The following HSPA4 variants were observed in gnomAD, a reference collection of about 807,000 sequenced individuals.
The protein encoded by HSPA4 is heat shock protein family A (Hsp70) member 4.
Under a neutral mutation model 106.2 loss-of-function variants are expected in HSPA4, and 25 were observed. That is an observed-to-expected ratio of 0.24 (90% confidence interval 0.17 to 0.33). The LOEUF (loss-of-function observed/expected upper bound fraction) is 0.33. Ranked by LOEUF, HSPA4 falls within the 10% of genes least tolerant of loss-of-function variation. HSPA4 has a pLI of 1.00. For synonymous variants in HSPA4, 332 were observed against 333.6 expected, an observed-to-expected ratio of 1.00 and a Z score of 0.05; for missense variants, 841 against 996.0, an observed-to-expected ratio of 0.84 and a Z score of 2.10.
At chr5:133,097,360 T>A in intron 15 of HSPA4, 74 bp downstream of exon 15, 1 of 1,315,176 alleles carries the variant, frequency 7.6e-7, no homozygotes, top group Non-Finnish European at 1.1e-6. Context: ...AAGGGAAGTG[T>A]GCAGCTATAT....
chr5:133,059,183 C>T (rs1024585724), intron 1 of HSPA4, among the ~76,000 whole-genome samples: 16 of 148,764 alleles, frequency 1.1e-4, no homozygotes, highest in African/African-American at 1.2e-4. Flanking sequence ...TGTGGTGGCT[C>T]GTGCCTGTAA....
chr5:133,089,621 A>G lies in HSPA4; in HGVS notation c.1304A>G (p.Tyr435Cys), dbSNP rs745601546. 17 of 1,612,876 alleles carry G rather than the reference A, an allele frequency of 1.1e-5. No homozygotes were observed. The East Asian group carries it at 2.5e-4, about 23-fold the overall frequency. ...AAPFSKVLTF[Y>C]RKEPFTLEAY... ...CCTTTCTCTAAAGTTCTTACATTTTATAGAAAGGAACCTTTCACTCTTGAG... is the reference window on the plus strand; with the variant it reads ...CCTTTCTCTAAAGTTCTTACATTTTGTAGAAAGGAACCTTTCACTCTTGAG... The change falls in exon 11 of 19, where the codon TAT becomes TGT. Residue 435 changes from tyrosine to cysteine, a missense_variant. By Grantham distance (194) the Tyr-to-Cys change is radical (BLOSUM62 -2). Transcript: ENST00000304858.
chr5:133,076,512 A>G, intron 6 of HSPA4, 142 bp from the exon 7 acceptor site: 1 of 670,236 alleles, frequency 1.5e-6, no homozygotes, highest in Non-Finnish European at 2.5e-6. Context: ...TAAGGATTAA[A>G]TGATGTATAC....
Position 133,104,038 on chromosome 5 carries a change from CTTTTTTT to C in HSPA4, c.2319+14_2319+20del. On this transcript the variant is annotated intron_variant, in intron 18 of 18. Coordinates refer to ENST00000304858, the MANE Select transcript of HSPA4 (RefSeq NM_002154.4). ...AAGCTAAAATTAAGGTAATTTAAGACTTTTTTTTAATAGTCTTTTCTTGACAGCCTTA... is the reference window on the plus strand; with the variant it reads ...AAGCTAAAATTAAGGTAATTTAAGACTAATAGTCTTTTCTTGACAGCCTTA... 6.2e-7 allele frequency: 1 copy of C among 1,601,186 alleles called. No homozygotes were observed. The highest frequency in any genetic ancestry group is 1.3e-5 in the African/African-American group (1 of 74,328).
intron 7 of HSPA4, among the ~76,000 whole-genome samples, chr5:133,084,967 C>T (rs960567350): frequency 1.3e-5 from 2 of 151,962 alleles, no homozygotes; most frequent in African/African-American, 4.8e-5. Flanking sequence ...GCCACCATGC[C>T]TGGCTAATTT....
Position 133,052,163 on chromosome 5 carries a change from C to A in HSPA4, c.-88C>A. The A allele has an allele frequency of 2.3e-6, 2 of 888,630 alleles. No homozygotes were observed. Among genetic ancestry groups the A allele is most frequent in the East Asian group, 2.6e-5 (1 of 37,796 alleles). The allele number at this position is 888,630 out of a possible 1,614,324, so 55.0% of individuals were successfully genotyped here. On this transcript the variant is annotated 5_prime_UTR_variant, in exon 1 of 19. Coordinates refer to ENST00000304858, the MANE Select transcript of HSPA4 (RefSeq NM_002154.4). ...CCCTCAGTAGCCTCGGCCCAAGAGGCCTGCTTTCCACTCGCTAGCCCCGCC... is the reference window on the plus strand; with the variant it reads ...CCCTCAGTAGCCTCGGCCCAAGAGGACTGCTTTCCACTCGCTAGCCCCGCC...
At position 133,106,112 on chromosome 5, in the gene HSPA4, T is replaced by TAA. The variant is rs1561589139; in HGVS notation, c.*1676_*1677insAA. The TAA allele has an allele frequency of 2.0e-5, 1 of 49,136 alleles. No homozygotes were observed. The highest frequency in any genetic ancestry group is 3.6e-5 in the Non-Finnish European group (1 of 27,536). The allele number at this position is 49,136 out of a possible 1,614,324, so 3.0% of individuals were successfully genotyped here. A position where few individuals can be genotyped will look rare whatever the true frequency, so the allele number is the denominator to read the frequency against. On this transcript the variant is annotated 3_prime_UTR_variant, in exon 19 of 19. Transcript: ENST00000304858. ...CTTAAAAAAAAAAAAATTTTTTTTT[T>TAA]TTTTTTTTTTTTTTTTTTTTTTTTT...
chr5:133,084,432 C>G (rs189121431), intron 7 of HSPA4, among the ~76,000 whole-genome samples: 11 of 152,072 alleles, frequency 7.2e-5, no homozygotes, highest in South Asian at 2.1e-4. Flanking sequence ...GTTAGCAATC[C>G]TTAAGTTTTG....
intron 11 of HSPA4, 99 bp from the exon 12 acceptor site, chr5:133,091,094 A>G (rs757563267): frequency 4.0e-5 from 39 of 984,328 alleles, no homozygotes; most frequent in African/African-American, 3.8e-4. Context: ...TTACTGAGCT[A>G]TCATTGAAAG....
Position 133,089,617 on chromosome 5 carries a change from T to G in HSPA4, c.1300T>G (p.Phe434Val). The change falls in exon 11 of 19, where the codon TTT (phenylalanine) becomes GTT (valine). Residue 434 changes from phenylalanine (F) to valine (V), a missense_variant. This residue lies in a region of HSPA4 where 162 missense variants were observed against 177.7 expected (regional missense o/e 0.91). Coordinates refer to ENST00000304858, the MANE Select transcript of HSPA4 (RefSeq NM_002154.4). ...HAAPFSKVLTFYRKEPFTLEA... is the reference protein window; with the variant it reads ...HAAPFSKVLTVYRKEPFTLEA... Reference sequence around the variant, plus strand: ...TGCTCCTTTCTCTAAAGTTCTTACATTTTATAGAAAGGAACCTTTCACTCT... The same window carrying G: ...TGCTCCTTTCTCTAAAGTTCTTACAGTTTATAGAAAGGAACCTTTCACTCT... 6.2e-7 allele frequency: 1 copy of G among 1,612,262 alleles called. No homozygotes were observed. Among genetic ancestry groups the G allele is most frequent in the Non-Finnish European group, 8.5e-7 (1 of 1,178,414 alleles).
In HSPA4 at chr5:133,091,228, G is replaced by C. The variant is rs778544594; in HGVS notation, c.1414G>C (p.Asp472His). 3 of 1,614,078 alleles carry C rather than the reference G, an allele frequency of 1.9e-6. No homozygotes were observed. The highest frequency in any genetic ancestry group is 2.5e-6 in the Non-Finnish European group (3 of 1,179,972). ...FSVQKVTPQS[D>H]GSSSKVKVKV... is the part of the protein sequence containing the mutation. ...AGTTCAGAAAGTCACTCCTCAGTCT[G>C]ATGGCTCCAGTTCAAAAGTGAAAGT... The change falls in exon 12 of 19, where the codon GAT becomes CAT. Residue 472 changes from aspartate (D) to histidine (H), a missense_variant. By Grantham distance (81) the Asp-to-His change is moderately conservative. This residue lies in a region of HSPA4 where 162 missense variants were observed against 177.7 expected (regional missense o/e 0.91). Coordinates refer to ENST00000304858, the MANE Select transcript of HSPA4 (RefSeq NM_002154.4).
chr5:133,082,038 A>T (rs1298218647), intron 7 of HSPA4, among the ~76,000 whole-genome samples: 3 of 152,240 alleles, frequency 2.0e-5, no homozygotes, highest in Non-Finnish European at 4.4e-5. Flanking sequence ...TCATCAACTG[A>T]TGAAGTGGGT....
chr5:133,074,181 T>C, intron 6 of HSPA4, 55 bp downstream of exon 6: 1 of 1,208,412 alleles, frequency 8.3e-7, no homozygotes, highest in Non-Finnish European at 1.2e-6. Flanking sequence ...ATTATGAAAT[T>C]TTGAGAGACA....
At chr5:133,084,931 C>T (rs1765559455) in intron 7 of HSPA4, among the ~76,000 whole-genome samples, 1 of 151,998 alleles carries the variant, frequency 6.6e-6, no homozygotes, top group Non-Finnish European at 1.5e-5. Flanking sequence ...CCTCAGCTTC[C>T]TGGGTAGCTG....
intron 1 of HSPA4, among the ~76,000 whole-genome samples, chr5:133,061,965 G>A (rs1416321620): frequency 6.6e-6 from 1 of 152,092 alleles, no homozygotes. Flanking sequence ...GGCTGGGGTG[G>A]GTTGAGAAGG....
chr5:133,102,666 C>T (rs62375245), intron 17 of HSPA4, among the ~76,000 whole-genome samples: 36,173 of 152,016 alleles, frequency 0.24, 4,456 homozygotes, highest in Middle Eastern at 0.26. Context: ...CCATTATACC[C>T]CAGGTTCTTG....
intron 1 of HSPA4, among the ~76,000 whole-genome samples, chr5:133,064,140 A>G (rs1192332642): frequency 6.6e-6 from 1 of 152,234 alleles, no homozygotes; most frequent in Non-Finnish European, 1.5e-5. Context: ...AAATGGATTA[A>G]ATCAGGAGAT....
chr5:133,080,697 CT>C (rs1384016134), intron 7 of HSPA4, among the ~76,000 whole-genome samples: 2 of 150,544 alleles, frequency 1.3e-5, no homozygotes, highest in Non-Finnish European at 1.5e-5. Flanking sequence ...TTTAGTTTGC[CT>C]TTTTTTTGTA....
intron 17 of HSPA4, among the ~76,000 whole-genome samples, chr5:133,102,404 A>C (rs1215346296): frequency 1.3e-5 from 2 of 152,214 alleles, no homozygotes; most frequent in African/African-American, 4.8e-5. Context: ...GGAATTGAAC[A>C]GTGTTGTTCA....
Sources: gnomAD v4.1 joint callset for allele counts (sites outside exome capture counted in the v4.1 genomes callset) on GRCh38, gnomAD v4.1.1 for gene constraint, gnomAD v4.1.1 regional missense constraint, MANE v1.5 for transcripts, NCBI Gene and HGNC (gene_info 2026-07-23, HGNC 2026-07-21) for gene names.